Variants in AGBL1 observed in about 807,000 individuals in gnomAD.
AGBL1 encodes AGBL carboxypeptidase 1.
AGBL1 carries 130 observed loss-of-function variants against 118.9 expected under a neutral mutation model. The ratio of observed to expected loss-of-function variants is 1.09; its 90% confidence interval spans 0.95 to 1.26. AGBL1 has a LOEUF of 1.26. AGBL1 is among the 50% of genes most tolerant of loss of function. The pLI, the probability that AGBL1 is intolerant of heterozygous loss-of-function variation, is 0.00. For synonymous variants in AGBL1, 555 were observed against 478.9 expected (o/e 1.16, Z -2.08); for missense variants, 1,584 against 1,298.1 (o/e 1.22, Z -3.38).
At chr15:86,163,070 AATCAAATTATATGT>A (rs1238473156) in intron 5 of AGBL1, among the ~76,000 whole-genome samples, 3 of 152,238 alleles carry the variant, frequency 2.0e-5, no homozygotes, top group African/African-American at 7.2e-5. Context: ...CTAAAGTAGA[AATCAAATTATATGT>A]ATCTTGTTAT....
chr15:86,143,564 T>G (rs1269971499), intron 2 of AGBL1, 135 bp from the exon 3 acceptor site: 1 of 1,114,950 alleles, frequency 9.0e-7, no homozygotes, highest in African/African-American at 1.6e-5. Flanking sequence ...CACAGGTTGC[T>G]TCAAGAACTA....
chr15:86,669,437 G>A (rs1164331875), intron 21 of AGBL1, among the ~76,000 whole-genome samples: 5 of 152,066 alleles, frequency 3.3e-5, no homozygotes, highest in Non-Finnish European at 5.9e-5. Flanking sequence ...AGGGAAAATA[G>A]AAAACATAAC....
chr15:86,782,916 T>C (rs2078354674), intron 22 of AGBL1, among the ~76,000 whole-genome samples: 1 of 152,200 alleles, frequency 6.6e-6, no homozygotes, highest in African/African-American at 2.4e-5. Context: ...TATGTCAACG[T>C]CTGATTGAAG....
At chr15:86,545,122 A>C (rs1304379192) in intron 19 of AGBL1, among the ~76,000 whole-genome samples, 1 of 152,160 alleles carries the variant, frequency 6.6e-6, no homozygotes, top group Admixed American at 6.5e-5. Context: ...ACCTGATTCT[A>C]CCTTTGACAG....
At chr15:86,823,690 A>G (rs1051242226) in intron 22 of AGBL1, among the ~76,000 whole-genome samples, 2 of 152,180 alleles carry the variant, frequency 1.3e-5, no homozygotes, top group African/African-American at 4.8e-5. Flanking sequence ...GCGAGAAGCA[A>G]ATATAAGACT....
intron 1 of AGBL1, among the ~76,000 whole-genome samples, chr15:86,081,952 T>C (rs748591029): frequency 4.6e-5 from 7 of 152,178 alleles, no homozygotes; most frequent in Non-Finnish European, 1.0e-4. Context: ...AGATTCCCAA[T>C]TATCAAAGAA....
chr15:86,715,764 G>T (rs1332790623), intron 22 of AGBL1, among the ~76,000 whole-genome samples: 1 of 152,102 alleles, frequency 6.6e-6, no homozygotes, highest in Non-Finnish European at 1.5e-5. Context: ...TGTGGTTATT[G>T]AAATATAAAT....
At chr15:86,258,291 T>C (rs560330156) in intron 9 of AGBL1, among the ~76,000 whole-genome samples, 9 of 152,332 alleles carry the variant, frequency 5.9e-5, no homozygotes, top group Middle Eastern at 6.8e-3. Flanking sequence ...ACCAATACTT[T>C]ATTCAGATGA....
chr15:86,977,673 G>T (rs2081189085), intron 23 of AGBL1, among the ~76,000 whole-genome samples: 1 of 151,346 alleles, frequency 6.6e-6, no homozygotes, highest in Non-Finnish European at 1.5e-5. Context: ...AAAATTATTG[G>T]GTTTTATGAA....
intron 21 of AGBL1, among the ~76,000 whole-genome samples, chr15:86,633,219 G>A (rs1442192610): frequency 6.6e-6 from 1 of 152,162 alleles, no homozygotes; most frequent in African/African-American, 2.4e-5. Flanking sequence ...GCTGTGTTGT[G>A]TGATAATGAA....
chr15:86,254,373 C>T lies in AGBL1; in HGVS notation c.736-2480C>T, dbSNP rs150563806. ...CACAGAGAAGTGTATTAATTTGCCA[C>T]GGTTATGAAGTTAGTAATCTTTAGT... On this transcript the variant is annotated intron_variant, in intron 7 of 22. Coordinates refer to ENST00000614907, the MANE Select transcript of AGBL1 (RefSeq NM_001386094.1). Among the ~76,000 whole-genome samples the T allele has an allele frequency of 2.1e-3, 326 of 152,304 alleles. 2 individuals carry two copies. Among genetic ancestry groups the T allele is most frequent in the East Asian group, 0.017 (86 of 5,190 alleles).
At chr15:86,723,385 C>A (rs2086764116) in intron 22 of AGBL1, among the ~76,000 whole-genome samples, 1 of 152,180 alleles carries the variant, frequency 6.6e-6, no homozygotes, top group Admixed American at 6.5e-5. Context: ...AACCATCGTT[C>A]TCAGCAAACT....
In AGBL1 at chr15:86,767,827, C is replaced by T. The variant is rs1048965453; in HGVS notation, c.3158+93391C>T. Among the ~76,000 whole-genome samples the T allele has an allele frequency of 2.6e-5, 4 of 151,950 alleles. 1 individual carries two copies. The highest frequency in any genetic ancestry group is 9.7e-5 in the African/African-American group (4 of 41,412). Reference sequence around the variant, plus strand: ...TACTGGTAGCATTCTGTAAAGCATGCCACCATCTCTCTGATAATACAAGAC... The same window carrying T: ...TACTGGTAGCATTCTGTAAAGCATGTCACCATCTCTCTGATAATACAAGAC... On this transcript the variant is annotated intron_variant, in intron 22 of 22. Transcript: ENST00000614907.
At chr15:86,854,953 T>A (rs954151716) in intron 22 of AGBL1, among the ~76,000 whole-genome samples, 2 of 152,168 alleles carry the variant, frequency 1.3e-5, no homozygotes, top group African/African-American at 4.8e-5. Context: ...TATATAGTTG[T>A]GATTTGCTAC....
chr15:86,719,998 G>C (rs550198071), intron 22 of AGBL1, among the ~76,000 whole-genome samples: 1 of 152,204 alleles, frequency 6.6e-6, no homozygotes, highest in South Asian at 2.1e-4. Flanking sequence ...AAAATGTTGG[G>C]CTGCTTCAGG....
chr15:86,975,334 G>A (rs1348402879), intron 23 of AGBL1, among the ~76,000 whole-genome samples: 1 of 151,932 alleles, frequency 6.6e-6, no homozygotes, highest in East Asian at 1.9e-4. Context: ...AGCATGTGCA[G>A]GGAAATTCCC....
intron 22 of AGBL1, among the ~76,000 whole-genome samples, chr15:86,683,832 A>G (rs961843329): frequency 9.9e-5 from 15 of 152,208 alleles, no homozygotes; most frequent in Non-Finnish European, 1.9e-4. Flanking sequence ...AGTTGTTGTC[A>G]TTTAAGAAGG....
At position 86,285,881 on chromosome 15, in the gene AGBL1, A is replaced by G. The variant is rs755666058; in HGVS notation, c.2220+6098A>G. Among the ~76,000 whole-genome samples the G allele has an allele frequency of 6.6e-4, 100 of 152,144 alleles. 5 individuals are homozygous for G. Among genetic ancestry groups the G allele is most frequent in the South Asian group, 8.3e-4 (4 of 4,832 alleles). On this transcript the variant is annotated intron_variant, in intron 16 of 22. Transcript: ENST00000614907. ...TTGAAGGACAGTGCTCATGTGCCCT[A>G]TGATACTTTTTGACTTTTTGTCTCT...
chr15:86,441,311 G>A (rs907502145), intron 18 of AGBL1, among the ~76,000 whole-genome samples: 18 of 152,070 alleles, frequency 1.2e-4, no homozygotes, highest in Non-Finnish European at 5.9e-5. Context: ...AAAAAATATT[G>A]ACCTAGTGTT....
Sources: allele counts gnomAD v4.1 joint callset (sites outside exome capture counted in the v4.1 genomes callset), GRCh38; gene constraint gnomAD v4.1.1; transcripts MANE v1.5; gene names NCBI Gene and HGNC (gene_info 2026-07-23, HGNC 2026-07-21).